The following MACROD2 variants were observed in gnomAD, a reference collection of about 807,000 sequenced individuals.
MACROD2 encodes the protein mono-ADP ribosylhydrolase 2, also known as ADP-ribose glycohydrolase MACROD2.
In MACROD2, 36 loss-of-function variants were observed where a neutral mutation model predicts 70.4. The ratio of observed to expected loss-of-function variants is 0.51; its 90% CI spans 0.39 to 0.68. The LOEUF is 0.68. MACROD2 is among the 30% of genes least tolerant of loss of function. The pLI, the probability that MACROD2 is intolerant of heterozygous loss-of-function variation, is 0.00. For synonymous variants in MACROD2, 172 were observed against 178.8 expected, an observed-to-expected ratio of 0.96 and a Z score of 0.30; for missense variants, 496 against 538.4, an observed-to-expected ratio of 0.92 and a Z score of 0.78.
chr20:14,123,730 T>C (rs1281147178), intron 3 of MACROD2, among the ~76,000 whole-genome samples: 2 of 152,026 alleles, frequency 1.3e-5, no homozygotes, highest in Non-Finnish European at 2.9e-5. Flanking sequence ...ATGTCAGTGG[T>C]TTCTGGCAGG....
intron 5 of MACROD2, among the ~76,000 whole-genome samples, chr20:14,714,958 T>C (rs530638176): frequency 6.6e-6 from 1 of 152,332 alleles, no homozygotes; most frequent in South Asian, 2.1e-4. Context: ...ATAAATATAA[T>C]ATAGTGGAAA....
chr20:14,765,429 CTT>C (rs1234662508), intron 5 of MACROD2, among the ~76,000 whole-genome samples: 2 of 151,926 alleles, frequency 1.3e-5, no homozygotes, highest in Non-Finnish European at 2.9e-5. Context: ...TTCTTCCTGA[CTT>C]TTTGTTGAAA....
At chr20:14,564,718 A>C (rs1300218083) in intron 4 of MACROD2, among the ~76,000 whole-genome samples, 1 of 151,946 alleles carries the variant, frequency 6.6e-6, no homozygotes, top group Non-Finnish European at 1.5e-5. Flanking sequence ...AGAGAAAAGA[A>C]AATTCTTATA....
chr20:15,511,247 TATC>T (rs2146512312), intron 8 of MACROD2, among the ~76,000 whole-genome samples: 1 of 152,334 alleles, frequency 6.6e-6, no homozygotes, highest in East Asian at 1.9e-4. Flanking sequence ...ATTTAAATGA[TATC>T]ATTTAAGTTT....
At chr20:14,776,771 A>C (rs1337812292) in intron 5 of MACROD2, among the ~76,000 whole-genome samples, 3 of 152,110 alleles carry the variant, frequency 2.0e-5, no homozygotes, top group Non-Finnish European at 4.4e-5. Flanking sequence ...AAATTTTACC[A>C]GCTGGATGTT....
chr20:14,672,250 G>A (rs2070804006), intron 4 of MACROD2, among the ~76,000 whole-genome samples: 1 of 152,150 alleles, frequency 6.6e-6, no homozygotes, highest in Non-Finnish European at 1.5e-5. Flanking sequence ...AGTCTAAGTT[G>A]GCCTCCGCTG....
At chr20:14,389,170 G>A (rs1489006532) in intron 3 of MACROD2, among the ~76,000 whole-genome samples, 8 of 151,922 alleles carry the variant, frequency 5.3e-5, no homozygotes, top group Non-Finnish European at 7.4e-5. Flanking sequence ...GTGAGCCACC[G>A]CGGCTGGCCA....
At chr20:14,728,664 T>G (rs1600595146) in intron 5 of MACROD2, among the ~76,000 whole-genome samples, 1 of 152,312 alleles carries the variant, frequency 6.6e-6, no homozygotes, top group South Asian at 2.1e-4. Context: ...AATTTCAGTT[T>G]TGTAAAGTTT....
At chr20:16,017,731 C>G (rs1302711105) in intron 15 of MACROD2, among the ~76,000 whole-genome samples, 1 of 152,216 alleles carries the variant, frequency 6.6e-6, no homozygotes, top group African/African-American at 2.4e-5. Flanking sequence ...ATATCAACAG[C>G]AAATAACTTA....
At position 14,711,328 on chromosome 20, in the gene MACROD2, T is replaced by C. The variant is rs77271117; in HGVS notation, c.418+26369T>C. On this transcript the variant is annotated intron_variant, in intron 5 of 17. Transcript: ENST00000684519. ...AGAGGAATAAATCATGTATCCATTT[T>C]TGATCTGTAGTTTTTCAGGAATCAT... 2.4e-3 allele frequency among the ~76,000 whole-genome samples: 365 copies of C among 152,360 alleles called. 8 individuals are homozygous for C. In the East Asian group the frequency reaches 0.055, roughly 23 times the overall value.
intron 4 of MACROD2, among the ~76,000 whole-genome samples, chr20:14,502,516 A>G (rs902591471): frequency 6.6e-6 from 1 of 152,188 alleles, no homozygotes; most frequent in Non-Finnish European, 1.5e-5. Flanking sequence ...TTCCTGTTCT[A>G]AAATGATGGT....
rs186363022 is a variant in MACROD2, at chr20:15,063,483, G to A, written c.419-166457G>A. ...ATCATGGAATTTAACATGACTGGCTGGGGGGAATCAGGCTCTTTGTCCTTT... is the reference window on the plus strand; with the variant it reads ...ATCATGGAATTTAACATGACTGGCTAGGGGGAATCAGGCTCTTTGTCCTTT... On this transcript the variant is annotated intron_variant, in intron 5 of 17. Transcript: ENST00000684519. 4.4e-4 allele frequency among the ~76,000 whole-genome samples: 67 copies of A among 152,282 alleles called. 1 individual carries two copies. Among genetic ancestry groups the A allele is most frequent in the Middle Eastern group, 3.4e-3 (1 of 294 alleles).
At chr20:15,027,702 C>G (rs1402045972) in intron 5 of MACROD2, among the ~76,000 whole-genome samples, 1 of 132,326 alleles carries the variant, frequency 7.6e-6, no homozygotes, top group East Asian at 2.2e-4. Flanking sequence ...GTAGGACTCT[C>G]TAATTAAAAA....
At chr20:15,673,125 A>G (rs2050005971) in intron 8 of MACROD2, among the ~76,000 whole-genome samples, 1 of 152,194 alleles carries the variant, frequency 6.6e-6, no homozygotes, top group Admixed American at 6.5e-5. Context: ...AGACTAATAG[A>G]GCCACCATCT....
At chr20:14,719,377 G>T (rs2071436273) in intron 5 of MACROD2, among the ~76,000 whole-genome samples, 1 of 150,598 alleles carries the variant, frequency 6.6e-6, no homozygotes, top group Admixed American at 6.6e-5. Context: ...TTTTCCCATG[G>T]TCTTAGTTTA....
At position 14,327,573 on chromosome 20, in the gene MACROD2, G is replaced by C. The variant is rs1407527373; in HGVS notation, c.272-165906G>C. ...ACTTCAGAACCCTAAAATGAAGTGA[G>C]TAAAAAAAGACAGAAAACAATAAGG... On this transcript the variant is annotated intron_variant, in intron 3 of 17. Transcript: ENST00000684519. The C allele has an allele frequency of 4.0e-6, 6 of 1,485,632 alleles. No individual in the cohort carries two copies. The Admixed American group carries it at 1.5e-4, about 36-fold the overall frequency. The allele number at this position is 1,485,632 out of a possible 1,614,324, so 92.0% of individuals were successfully genotyped here.
intron 5 of MACROD2, among the ~76,000 whole-genome samples, chr20:14,836,165 A>T (rs2122252523): frequency 6.6e-6 from 1 of 152,234 alleles, no homozygotes; most frequent in East Asian, 1.9e-4. Flanking sequence ...TACTCAAAAA[A>T]AATTTTGGAA....
intron 3 of MACROD2, among the ~76,000 whole-genome samples, chr20:14,268,739 T>TA (rs2082165939): frequency 6.6e-6 from 1 of 152,226 alleles, no homozygotes; most frequent in African/African-American, 2.4e-5. Flanking sequence ...TAACTATTCA[T>TA]ATGAAATATT....
At chr20:14,996,159 A>T (rs1187922456) in intron 5 of MACROD2, among the ~76,000 whole-genome samples, 1 of 152,170 alleles carries the variant, frequency 6.6e-6, no homozygotes, top group Non-Finnish European at 1.5e-5. Flanking sequence ...CACACATCTG[A>T]TAGACTTGTA....
Sources: allele counts gnomAD v4.1 joint callset (sites outside exome capture counted in the v4.1 genomes callset), GRCh38; gene constraint gnomAD v4.1.1; transcripts MANE v1.5; gene names NCBI Gene and HGNC (gene_info 2026-07-23, HGNC 2026-07-21).